Variants in MSH6 observed in about 807,000 individuals in gnomAD.
MSH6 encodes the protein mutS homolog 6, also known as DNA mismatch repair protein Msh6.
MSH6 carries 85 observed loss-of-function variants against 119.1 expected under a neutral mutation model. The observed-to-expected ratio is 0.71, with a 90% CI of 0.60 to 0.85. The LOEUF (loss-of-function observed/expected upper bound fraction) is 0.85, where lower values mean the gene tolerates loss of function less well. Ranked by LOEUF, MSH6 falls within the 40% of genes least tolerant of loss-of-function variation. The probability of loss-of-function intolerance (pLI) is 0.00; values close to 1 mark genes in which losing one functional copy is unlikely to be tolerated. For synonymous variants in MSH6, 830 were observed against 586.9 expected, an observed-to-expected ratio of 1.41 and a Z score of -5.99; for missense variants, 2,163 against 1,655.3, an observed-to-expected ratio of 1.31 and a Z score of -5.32.
At chr2:47,792,760 G>A (rs750526287) in intron 2 of MSH6, among the ~76,000 whole-genome samples, 1 of 151,814 alleles carries the variant, frequency 6.6e-6, no homozygotes, top group Admixed American at 6.6e-5. Context: ...TTGAACTCCT[G>A]GGCTCAAGTG....
At chr2:47,803,325 TA>T (rs2104468777) in intron 4 of MSH6, 94 bp from the exon 5 acceptor site, 2 of 1,499,658 alleles carry the variant, frequency 1.3e-6, no homozygotes, top group Non-Finnish European at 1.9e-6. Context: ...TTATGTCTTA[TA>T]ATGAAATGTG....
At chr2:47,795,526 T>C (rs1669028161) in intron 2 of MSH6, among the ~76,000 whole-genome samples, 1 of 148,720 alleles carries the variant, frequency 6.7e-6, no homozygotes, top group Non-Finnish European at 1.5e-5. Context: ...AGTGAAGTGG[T>C]GCAATCTCGG....
chr2:47,809,536 C>G (rs538926287), downstream of MSH6: 2 of 1,184,376 alleles, frequency 1.7e-6, no homozygotes, highest in African/African-American at 1.5e-5. Flanking sequence ...AGTTATAAAA[C>G]GGCTTCTGAT....
intron 5 of MSH6, among the ~76,000 whole-genome samples, chr2:47,803,927 G>A (rs1165740571): frequency 6.6e-6 from 1 of 152,140 alleles, no homozygotes; most frequent in Admixed American, 6.5e-5. Context: ...AGGTCATGAG[G>A]CCCTTTGACT....
chr2:47,800,144 A>G lies in MSH6; in HGVS notation c.2161A>G (p.Arg721Gly), dbSNP rs537604099. ...GGATTCTGACACAGTCAGCACTACA[A>G]GATCTGGTGCTATCTTCACCAAAGC... The part of the protein sequence containing the change: ...PLDSDTVSTT[R>G]SGAIFTKAYQ... Residue 721 changes from arginine (R) to glycine (G), a missense_variant, in exon 4 of 10, where the codon AGA becomes GGA. By Grantham distance (125) the Arg-to-Gly change is moderately radical. Coordinates refer to ENST00000234420, the MANE Select transcript of MSH6 (RefSeq NM_000179.3). 5.6e-6 allele frequency: 9 copies of G among 1,614,210 alleles called. No homozygotes were observed. In the East Asian group the frequency reaches 8.9e-5, roughly 16 times the overall value.
rs752839086 is a variant in MSH6, at chr2:47,800,748, G to A, written c.2765G>A (p.Arg922Gln). 3.1e-6 allele frequency: 5 copies of A among 1,613,986 alleles called. No individual in the cohort carries two copies. The highest frequency in any genetic ancestry group is 2.7e-5 in the African/African-American group (2 of 74,918). Residue 922 changes from arginine (R) to glutamine (Q), a missense_variant, in exon 4 of 10, where the codon CGA becomes CAA. Transcript: ENST00000234420. The stretch of plus-strand genomic sequence containing the variant: ...ACAGCCTTTGACCATGAAAAGGCTC[G>A]AAAGACTGGACTTATTACTCCCAAA... ...WDTAFDHEKA[R>Q]KTGLITPKAG... is the part of the protein sequence containing the mutation.
chr2:47,797,200 G>A (rs947128721), intron 3 of MSH6, among the ~76,000 whole-genome samples: 3 of 152,214 alleles, frequency 2.0e-5, no homozygotes, highest in African/African-American at 7.2e-5. Context: ...GCCCAGGGAA[G>A]CTGAAAGATC....
At chr2:47,807,857 A>G, downstream of MSH6, 1 of 346,146 alleles carries the variant, frequency 2.9e-6, no homozygotes, top group Non-Finnish European at 5.3e-6. Context: ...GTATCTGTAC[A>G]AAATTGCAGC....
Position 47,803,462 on chromosome 2 carries a change from G to A in MSH6, c.3215G>A (p.Gly1072Asp), listed in dbSNP as rs781243845. ...GCTAACTATAGTCGAGGGGGTGATG[G>A]TCCTATGTGTCGCCCAGTAATTCTG... is the stretch of plus-strand genomic sequence containing the variant. ...CLANYSRGGDGPMCRPVILLP... is the reference protein window; with the variant it reads ...CLANYSRGGDDPMCRPVILLP... Residue 1072 changes from glycine (G) to aspartate (D), a missense_variant, in exon 5 of 10, where the codon GGT (glycine) becomes GAT (aspartate). Transcript: ENST00000234420. The A allele has an allele frequency of 2.5e-6, 4 of 1,614,036 alleles. No homozygotes were observed. The highest frequency in any genetic ancestry group is 2.5e-6 in the Non-Finnish European group (3 of 1,180,028).
At position 47,799,086 on chromosome 2, in the gene MSH6, A is replaced by C; in HGVS notation, c.1103A>C (p.Glu368Ala). ...DSSRPTVWYH[E>A]TLEWLKEEKR... ...AGTCGCCCTACTGTTTGGTATCATGAAACTTTAGAATGGCTTAAGGAGGAA... is the reference window on the plus strand; with the variant it reads ...AGTCGCCCTACTGTTTGGTATCATGCAACTTTAGAATGGCTTAAGGAGGAA... Residue 368 changes from glutamate (E) to alanine (A), a missense_variant, in exon 4 of 10, where the codon GAA (glutamate) becomes GCA (alanine). Transcript: ENST00000234420. 6.2e-7 allele frequency: 1 copy of C among 1,614,188 alleles called. No homozygotes were observed. Among genetic ancestry groups the C allele is most frequent in the Non-Finnish European group, 8.5e-7 (1 of 1,180,024 alleles).
intron 7 of MSH6, among the ~76,000 whole-genome samples, 167 bp downstream of exon 7, chr2:47,805,874 T>C (rs964364146): frequency 6.9e-6 from 1 of 145,712 alleles, no homozygotes; most frequent in African/African-American, 2.8e-5. Context: ...AAAGGTGATA[T>C]TGTGAAAGGT....
rs1060502926 is a variant in MSH6 at position 47,805,028 on chromosome 2, G to C, written c.3556+1G>C. On this transcript the variant is annotated splice_donor_variant, in intron 6 of 9. Coordinates refer to ENST00000234420, the MANE Select transcript of MSH6 (RefSeq NM_000179.3). LOFTEE classifies it high-confidence loss of function. Reference sequence around the variant, plus strand: ...GGTGCCTCAGACAGAATAATGTCAGGTGAGTTTTTTGTTTCCCACTTAAGT... The same window carrying C: ...GGTGCCTCAGACAGAATAATGTCAGCTGAGTTTTTTGTTTCCCACTTAAGT... The C allele has an allele frequency of 1.2e-6, 2 of 1,607,140 alleles. No homozygotes were observed. The highest frequency in any genetic ancestry group is 8.5e-7 in the Non-Finnish European group (1 of 1,173,668).
At chr2:47,807,731 A>C (rs1670323402), downstream of MSH6, 1 of 238,928 alleles carries the variant, frequency 4.2e-6, no homozygotes, top group Admixed American at 5.2e-5. Flanking sequence ...TTACAAAAGC[A>C]ATTGGTACCC....
intron 1 of MSH6, among the ~76,000 whole-genome samples, chr2:47,786,390 A>G (rs1320450215): frequency 6.6e-6 from 1 of 150,760 alleles, no homozygotes; most frequent in Non-Finnish European, 1.5e-5. Context: ...GCTGGAGTGC[A>G]GTGGTGTGGT....
rs2104379257 is a variant in MSH6, at chr2:47,799,947, T to C, written c.1964T>C (p.Leu655Ser). 6.2e-7 allele frequency: 1 copy of C among 1,614,176 alleles called. No homozygotes were observed. Among genetic ancestry groups the C allele is most frequent in the South Asian group, 1.1e-5 (1 of 91,082 alleles). Reference sequence around the variant, plus strand: ...CTAAGTGATGGCATTGGGGTGATGTTACCCCAGGTGCTTAAAGGTATGACT... The same window carrying C: ...CTAAGTGATGGCATTGGGGTGATGTCACCCCAGGTGCTTAAAGGTATGACT... ...EKLSDGIGVM[L>S]PQVLKGMTSE... The change falls in exon 4 of 10, where the codon TTA (leucine) becomes TCA (serine). Residue 655 changes from leucine (L) to serine (S), a missense_variant. Leu to Ser is a moderately radical substitution (Grantham distance 145). Coordinates refer to ENST00000234420, the MANE Select transcript of MSH6 (RefSeq NM_000179.3).
At chr2:47,797,559 G>A (rs1035973778) in intron 3 of MSH6, among the ~76,000 whole-genome samples, 4 of 152,196 alleles carry the variant, frequency 2.6e-5, no homozygotes, top group African/African-American at 9.7e-5. Context: ...CTATTAATGA[G>A]CATATCGCCT....
intron 1 of MSH6, among the ~76,000 whole-genome samples, chr2:47,788,931 T>TTTTTTTG (rs1668551377): frequency 1.1e-5 from 1 of 93,552 alleles, no homozygotes; most frequent in Non-Finnish European, 2.0e-5. Context: ...TGTTTTTTTT[T>TTTTTTTG]TTTTTTTTTT....
At chr2:47,790,005 A>C (rs908754401) in intron 1 of MSH6, among the ~76,000 whole-genome samples, 1 of 151,978 alleles carries the variant, frequency 6.6e-6, no homozygotes, top group Non-Finnish European at 1.5e-5. Context: ...ATTGGTTTTA[A>C]ATTTTTGATT....
intron 4 of MSH6, among the ~76,000 whole-genome samples, chr2:47,802,709 G>A (rs747445060): frequency 4.1e-4 from 57 of 140,372 alleles, no homozygotes; most frequent in Non-Finnish European, 7.8e-4. Flanking sequence ...AAACTATTTT[G>A]ATCTGAACGC....
Sources: gnomAD v4.1 joint callset for allele counts (sites outside exome capture counted in the v4.1 genomes callset) on GRCh38, gnomAD v4.1.1 for gene constraint, MANE v1.5 for transcripts, NCBI Gene and HGNC (gene_info 2026-07-23, HGNC 2026-07-21) for gene names.